The following CCDC191 variants were observed in gnomAD, a reference collection of about 807,000 sequenced individuals.
The protein encoded by CCDC191 is coiled-coil domain-containing protein 191.
Under a neutral mutation model 114.0 loss-of-function variants are expected in CCDC191, and 99 were observed. The observed-to-expected ratio is 0.87, with a 90% CI of 0.74 to 1.03. The LOEUF (loss-of-function observed/expected upper bound fraction) is 1.03. Ranked by LOEUF, CCDC191 falls within the 50% of genes least tolerant of loss-of-function variation. The probability of loss-of-function intolerance (pLI) is 0.00; values close to 1 mark genes in which losing one functional copy is unlikely to be tolerated. For synonymous variants in CCDC191, 351 were observed against 376.0 expected (o/e 0.93, Z 0.77); for missense variants, 973 against 1,087.0 (o/e 0.90, Z 1.47).
At chr3:114,037,871 TG>T (rs1214207418) in intron 4 of CCDC191, among the ~76,000 whole-genome samples, 3 of 152,214 alleles carry the variant, frequency 2.0e-5, no homozygotes, top group Admixed American at 6.5e-5. Context: ...TAAGTACAGA[TG>T]GAATTATTTT....
chr3:113,978,763 A>AG, intron 15 of CCDC191, 95 bp downstream of exon 15: 3 of 1,350,694 alleles, frequency 2.2e-6, no homozygotes, highest in Non-Finnish European at 3.1e-6. Flanking sequence ...TCTTGAAAAA[A>AG]CATAATGACC....
chr3:114,017,178 G>A lies in CCDC191; in HGVS notation c.1163+1500C>T, dbSNP rs932886633. ...CATTCAAGGCCATTCAGAAGTTGACGTACTTGACAACCACATGCTTGATAA... is the reference window on the plus strand; with the variant it reads ...CATTCAAGGCCATTCAGAAGTTGACATACTTGACAACCACATGCTTGATAA... On this transcript the variant is annotated intron_variant, in intron 8 of 16. Coordinates refer to ENST00000295878, the MANE Select transcript of CCDC191 (RefSeq NM_020817.2). 6.1e-5 allele frequency among the ~76,000 whole-genome samples: 9 copies of A among 147,994 alleles called. No homozygotes were observed. The East Asian group carries it at 1.4e-3, about 23-fold the overall frequency.
intron 16 of CCDC191, among the ~76,000 whole-genome samples, chr3:113,970,759 T>C (rs1269615473): frequency 6.7e-6 from 1 of 149,254 alleles, no homozygotes; most frequent in Non-Finnish European, 1.5e-5. Context: ...GATGTTCCCC[T>C]TCCTGTGTCC....
At chr3:113,979,552 AAAT>A (rs1481402508) in intron 14 of CCDC191, among the ~76,000 whole-genome samples, 3 of 152,238 alleles carry the variant, frequency 2.0e-5, no homozygotes, top group Non-Finnish European at 1.5e-5. Context: ...CATTCTATCA[AAAT>A]AAACATACAA....
rs115097772 is a variant in CCDC191 at position 113,999,323 on chromosome 3, C to T, written c.2163+2272G>A. Among the ~76,000 whole-genome samples the T allele has an allele frequency of 3.4e-3, 524 of 152,232 alleles. 2 individuals carry two copies. Among genetic ancestry groups the T allele is most frequent in the African/African-American group, 0.012 (504 of 41,534 alleles). On this transcript the variant is annotated intron_variant, in intron 13 of 16. Coordinates refer to ENST00000295878, the MANE Select transcript of CCDC191 (RefSeq NM_020817.2). Reference sequence around the variant, plus strand: ...CCACTTAACTGCAAGTTGACTGCTACCTGGCCACTTTCGGCTCCTTGTGCC... The same window carrying T: ...CCACTTAACTGCAAGTTGACTGCTATCTGGCCACTTTCGGCTCCTTGTGCC...
At chr3:113,988,057 A>T (rs1004811299) in intron 13 of CCDC191, among the ~76,000 whole-genome samples, 2 of 150,740 alleles carry the variant, frequency 1.3e-5, no homozygotes, top group African/African-American at 2.4e-5. Flanking sequence ...ATATATATAT[A>T]TATTTAAAGA....
At chr3:114,010,666 A>C in intron 9 of CCDC191, 106 bp downstream of exon 9, 1 of 1,104,936 alleles carries the variant, frequency 9.1e-7, no homozygotes, top group Admixed American at 2.3e-5. Flanking sequence ...AGGCAGCTCT[A>C]ATCTTCTGAT....
chr3:114,052,612 A>C (rs1483934245), intron 2 of CCDC191, among the ~76,000 whole-genome samples: 1 of 152,120 alleles, frequency 6.6e-6, no homozygotes, highest in Non-Finnish European at 1.5e-5. Context: ...TTCTCTCATG[A>C]GCTTTAGTAA....
intron 14 of CCDC191, among the ~76,000 whole-genome samples, chr3:113,979,262 G>T (rs1485493873): frequency 6.6e-6 from 1 of 152,130 alleles, no homozygotes; most frequent in African/African-American, 2.4e-5. Flanking sequence ...TATGGAAATG[G>T]AACAACCAAC....
At chr3:113,985,789 A>G (rs2075333282) in intron 13 of CCDC191, among the ~76,000 whole-genome samples, 1 of 152,230 alleles carries the variant, frequency 6.6e-6, no homozygotes, top group African/African-American at 2.4e-5. Flanking sequence ...ACAAACCTCA[A>G]CAATGGTGAC....
chr3:114,006,150 AT>A (rs2107668770), intron 9 of CCDC191, 188 bp from the exon 10 acceptor site: 1 of 675,736 alleles, frequency 1.5e-6, no homozygotes, highest in South Asian at 1.6e-5. Flanking sequence ...GCTGCTCACC[AT>A]GAAAACTGGG....
At chr3:114,037,169 T>C (rs909040021) in intron 4 of CCDC191, 3 of 152,452 alleles carry the variant, frequency 2.0e-5, no homozygotes, top group African/African-American at 7.2e-5. Context: ...AAACTGCAAA[T>C]ATTTAAAGTT....
chr3:113,993,188 T>C (rs2075625074), intron 13 of CCDC191, among the ~76,000 whole-genome samples: 1 of 152,110 alleles, frequency 6.6e-6, no homozygotes. Flanking sequence ...ATCCAGCATT[T>C]TGAGAGGCTG....
chr3:114,056,288 C>T, intron 1 of CCDC191, 89 bp downstream of exon 1: 2 of 1,241,704 alleles, frequency 1.6e-6, no homozygotes, highest in Non-Finnish European at 2.3e-6. Context: ...GATGAAGAGG[C>T]AGGAAGCACA....
At chr3:114,034,861 C>T in intron 6 of CCDC191, 64 bp downstream of exon 6, 5 of 1,418,950 alleles carry the variant, frequency 3.5e-6, no homozygotes, top group Non-Finnish European at 2.9e-6. Context: ...TCAAAAACTT[C>T]AGAGCATTTC....
intron 16 of CCDC191, among the ~76,000 whole-genome samples, chr3:113,965,569 G>A (rs1940044557): frequency 6.6e-6 from 1 of 151,970 alleles, no homozygotes; most frequent in South Asian, 2.1e-4. Context: ...TGATTGATAG[G>A]TTATTTTTAT....
chr3:114,049,453 A>G lies in CCDC191; in HGVS notation c.130-2721T>C, dbSNP rs373816045. ...ATCAACTTTAGTGTTTTAAAAATCC[A>G]CAAACAAAAAATTAGCAACAAAAAC... is the stretch of plus-strand genomic sequence containing the variant. On this transcript the variant is annotated intron_variant, in intron 2 of 16. Coordinates refer to ENST00000295878, the MANE Select transcript of CCDC191 (RefSeq NM_020817.2). Among the ~76,000 whole-genome samples, 27 of 152,336 alleles carry G rather than the reference A, an allele frequency of 1.8e-4. No homozygotes were observed. In the South Asian group the frequency reaches 5.4e-3, roughly 30 times the overall value.
At chr3:114,011,461 TAAC>T (rs1281061039) in intron 8 of CCDC191, among the ~76,000 whole-genome samples, 4 of 152,216 alleles carry the variant, frequency 2.6e-5, no homozygotes, top group Admixed American at 2.0e-4. Flanking sequence ...TTATAACACT[TAAC>T]AAGTTAAATT....
chr3:114,009,069 C>CA (rs2076022714), intron 9 of CCDC191, among the ~76,000 whole-genome samples: 2 of 152,066 alleles, frequency 1.3e-5, no homozygotes, highest in African/African-American at 2.4e-5. Flanking sequence ...AGAAAAGGTA[C>CA]AGTAAAAACA....
Sources: gnomAD v4.1 joint callset for allele counts (sites outside exome capture counted in the v4.1 genomes callset) on GRCh38, gnomAD v4.1.1 for gene constraint, MANE v1.5 for transcripts, NCBI Gene and HGNC (gene_info 2026-07-23, HGNC 2026-07-21) for gene names.